The following FANCC variants were observed in gnomAD, a reference collection of about 807,000 sequenced individuals.
FANCC encodes the protein Fanconi anemia group C protein.
FANCC carries 55 observed loss-of-function variants against 71.3 expected under a neutral mutation model. That is an observed-to-expected ratio of 0.77 (90% CI 0.62 to 0.97). The LOEUF is 0.97. Among genes scored for constraint, FANCC ranks in the 50% least tolerant of loss-of-function variants. The pLI is 0.00. For missense variants in FANCC, 678 were observed against 670.9 expected, an observed-to-expected ratio of 1.01 and a Z score of -0.12; for synonymous variants, 275 against 244.9, an observed-to-expected ratio of 1.12 and a Z score of -1.15.
At chr9:95,316,055 C>T (rs1322279363) in intron 1 of FANCC, among the ~76,000 whole-genome samples, 1 of 152,146 alleles carries the variant, frequency 6.6e-6, no homozygotes, top group Non-Finnish European at 1.5e-5. Context: ...TTTCTGATGC[C>T]TTGGTAAACG....
At chr9:95,300,160 A>G (rs1834633673) in intron 1 of FANCC, among the ~76,000 whole-genome samples, 2 of 152,322 alleles carry the variant, frequency 1.3e-5, no homozygotes, top group South Asian at 4.1e-4. Context: ...TTCAGCAAGT[A>G]TCGTATTTAC....
At chr9:95,255,970 GAGA>G (rs1339149000) in intron 1 of FANCC, among the ~76,000 whole-genome samples, 1 of 151,552 alleles carries the variant, frequency 6.6e-6, no homozygotes, top group Non-Finnish European at 1.5e-5. Context: ...AAAGCATGAA[GAGA>G]AGGTTAGAGA....
intron 6 of FANCC, among the ~76,000 whole-genome samples, chr9:95,153,103 A>G (rs931606868): frequency 6.6e-6 from 1 of 152,238 alleles, no homozygotes; most frequent in African/African-American, 2.4e-5. Context: ...AAGTGAGAAC[A>G]TAACAGTTTG....
intron 1 of FANCC, among the ~76,000 whole-genome samples, chr9:95,279,793 C>G (rs964950304): frequency 2.0e-5 from 3 of 151,636 alleles, no homozygotes; most frequent in African/African-American, 7.3e-5. Context: ...ACTAAAAATA[C>G]AAAAATTAGC....
intron 1 of FANCC, among the ~76,000 whole-genome samples, chr9:95,287,120 T>C (rs1185190246): frequency 6.6e-6 from 1 of 152,058 alleles, no homozygotes; most frequent in Non-Finnish European, 1.5e-5. Context: ...TATACAGGTG[T>C]GGAAACTAAG....
rs1835845758 is a variant in FANCC at position 95,317,559 on chromosome 9, T to A, written c.-112A>T. The A allele has an allele frequency of 6.6e-6, 1 of 152,246 alleles. No homozygotes were observed. Among genetic ancestry groups the A allele is most frequent in the Admixed American group, 6.5e-5 (1 of 15,288 alleles). 9.4% of individuals were successfully genotyped at this position (152,246 alleles called of 1,614,324 possible). On this transcript the variant is annotated 5_prime_UTR_variant, in exon 1 of 15. Coordinates refer to ENST00000289081, the MANE Select transcript of FANCC (RefSeq NM_000136.3). ...CCTCGCGGGAGCTGCTTCAGCAGTT[T>A]GGGCAGTGGCGGAAAGGAAGCCACC... is the stretch of plus-strand genomic sequence containing the variant.
chr9:95,212,454 C>T (rs1828563893), intron 4 of FANCC, among the ~76,000 whole-genome samples: 1 of 152,150 alleles, frequency 6.6e-6, no homozygotes, highest in Non-Finnish European at 1.5e-5. Context: ...GGAATTACCT[C>T]TTTAAAGTAC....
chr9:95,187,405 A>C (rs1282978928), intron 4 of FANCC, among the ~76,000 whole-genome samples: 1 of 152,134 alleles, frequency 6.6e-6, no homozygotes, highest in Non-Finnish European at 1.5e-5. Context: ...CTGCATACAT[A>C]CACTCACCTG....
intron 4 of FANCC, among the ~76,000 whole-genome samples, chr9:95,228,595 T>C (rs73537206): frequency 0.011 from 1,719 of 152,250 alleles, 30 homozygotes; most frequent in African/African-American, 0.039. Flanking sequence ...GTAACTTAGT[T>C]GGGAGGTAAT....
At chr9:95,188,627 C>T (rs79035112) in intron 4 of FANCC, among the ~76,000 whole-genome samples, 1 of 152,342 alleles carries the variant, frequency 6.6e-6, no homozygotes, top group East Asian at 1.9e-4. Context: ...TAAACCTTAT[C>T]ATCCTTCAGT....
At chr9:95,123,939 T>TA (rs1825527703) in intron 10 of FANCC, 11 of 375,914 alleles carry the variant, frequency 2.9e-5, no homozygotes, top group South Asian at 2.4e-4. Flanking sequence ...TGTACTTAAT[T>TA]AAAAAATACA....
rs150834408 is a variant in FANCC, at chr9:95,131,986, A to G, written c.843+3360T>C. Among the ~76,000 whole-genome samples, 545 of 152,312 alleles carry G rather than the reference A, an allele frequency of 3.6e-3. 2 individuals carry two copies. Among genetic ancestry groups the G allele is most frequent in the African/African-American group, 0.013 (524 of 41,558 alleles). On this transcript the variant is annotated intron_variant, in intron 8 of 14. Coordinates refer to ENST00000289081, the MANE Select transcript of FANCC (RefSeq NM_000136.3). ...TCTTAAGTTCTTATTAGATAAAGTA[A>G]TCTTTTGAATTAAGCCATAAAGATT... is the stretch of plus-strand genomic sequence containing the variant.
At chr9:95,242,147 CA>C (rs778831410) in intron 3 of FANCC, among the ~76,000 whole-genome samples, 1 of 152,116 alleles carries the variant, frequency 6.6e-6, no homozygotes, top group Admixed American at 6.5e-5. Flanking sequence ...AAAACTTTAT[CA>C]GGGGTTATTC....
chr9:95,188,835 A>T (rs1381975763), intron 4 of FANCC, among the ~76,000 whole-genome samples: 2 of 152,140 alleles, frequency 1.3e-5, no homozygotes, highest in Admixed American at 1.3e-4. Context: ...CCTCAAGCCT[A>T]ATCTGCCTGA....
At chr9:95,270,740 A>G (rs944637277) in intron 1 of FANCC, among the ~76,000 whole-genome samples, 3 of 152,268 alleles carry the variant, frequency 2.0e-5, no homozygotes, top group Non-Finnish European at 4.4e-5. Context: ...GGTAAAGTAG[A>G]AAAAACCCAA....
chr9:95,307,691 C>G (rs962836210), intron 1 of FANCC, among the ~76,000 whole-genome samples: 1 of 152,282 alleles, frequency 6.6e-6, no homozygotes, highest in Non-Finnish European at 1.5e-5. Flanking sequence ...TGGTGAAAAA[C>G]AGCAACTGTC....
At chr9:95,167,069 T>C (rs1350130762) in intron 6 of FANCC, among the ~76,000 whole-genome samples, 1 of 152,146 alleles carries the variant, frequency 6.6e-6, no homozygotes, top group Non-Finnish European at 1.5e-5. Flanking sequence ...TTAGCCCAGA[T>C]GCAGTATTCT....
intron 4 of FANCC, among the ~76,000 whole-genome samples, chr9:95,197,832 A>G (rs968579707): frequency 5.9e-5 from 9 of 152,204 alleles, no homozygotes; most frequent in African/African-American, 2.2e-4. Context: ...ACAAAGTCTC[A>G]AGCCTGGACA....
rs1831780322 is a variant in FANCC, at chr9:95,258,014, C to T, written c.-78-8645G>A. ...GGAAGAAGTTGAATCCCTGAATAGA[C>T]CAATAACAAGTTCTGAAATTGAGGC... is the stretch of plus-strand genomic sequence containing the variant. On this transcript the variant is annotated intron_variant, in intron 1 of 14. Transcript: ENST00000289081. Among the ~76,000 whole-genome samples the T allele has an allele frequency of 2.0e-5, 3 of 152,274 alleles. No individual in the cohort carries two copies. The South Asian group carries it at 6.2e-4, about 32-fold the overall frequency.
Sources: gnomAD v4.1 joint callset for allele counts (sites outside exome capture counted in the v4.1 genomes callset) on GRCh38, gnomAD v4.1.1 for gene constraint, MANE v1.5 for transcripts, NCBI Gene and HGNC (gene_info 2026-07-23, HGNC 2026-07-21) for gene names.